The following DCAF10 variants were observed in gnomAD, a reference collection of about 807,000 sequenced individuals.
DCAF10 encodes the protein DDB1 and CUL4 associated factor 10.
Under a neutral mutation model 51.9 loss-of-function variants are expected in DCAF10, and 19 were observed. The ratio of observed to expected loss-of-function variants is 0.37; its 90% CI spans 0.26 to 0.54. The LOEUF is 0.54. Ranked by LOEUF, DCAF10 falls within the 20% of genes least tolerant of loss-of-function variation. The pLI is 0.87. For missense variants in DCAF10, 510 were observed against 730.6 expected (o/e 0.70, Z 3.48); for synonymous variants, 291 against 297.1 (o/e 0.98, Z 0.21).
chr9:37,858,728 A>G (rs1255018151), intron 5 of DCAF10, among the ~76,000 whole-genome samples: 2 of 152,228 alleles, frequency 1.3e-5, no homozygotes, highest in Admixed American at 1.3e-4. Context: ...TGTTAACACT[A>G]TCCTTTGGCA....
chr9:37,855,178 A>G (rs1830811314), intron 4 of DCAF10, among the ~76,000 whole-genome samples, 196 bp downstream of exon 4: 1 of 152,232 alleles, frequency 6.6e-6, no homozygotes, highest in Non-Finnish European at 1.5e-5. Flanking sequence ...TATCATTCAT[A>G]TGTACCTCTG....
intron 3 of DCAF10, among the ~76,000 whole-genome samples, chr9:37,843,742 TA>T (rs1830398849): frequency 6.6e-6 from 1 of 152,148 alleles, no homozygotes; most frequent in South Asian, 2.1e-4. Flanking sequence ...TCAGGAAAAA[TA>T]TTTTTTGTTA....
Position 37,863,853 on chromosome 9 carries a change from G to A in DCAF10, c.*2345G>A, listed in dbSNP as rs564053433. On this transcript the variant is annotated 3_prime_UTR_variant, in exon 7 of 7. Coordinates refer to ENST00000377724, the MANE Select transcript of DCAF10 (RefSeq NM_024345.5). ...ATTTATAGAGGTTATAAGGATCTTG[G>A]CTCTAGAACAAATTTTTGAAATTAG... is the stretch of plus-strand genomic sequence containing the variant. 7 of 152,092 alleles carry A rather than the reference G, an allele frequency of 4.6e-5. No individual in the cohort carries two copies. The highest frequency in any genetic ancestry group is 1.0e-4 in the Non-Finnish European group (7 of 68,020). The allele number at this position is 152,092 out of a possible 1,614,324, so 9.4% of individuals were successfully genotyped here. A position where few individuals can be genotyped will look rare whatever the true frequency, so the allele number is the denominator to read the frequency against.
Position 37,829,256 on chromosome 9 carries a change from A to G in DCAF10, c.653+9855A>G, listed in dbSNP as rs1242071348. Among the ~76,000 whole-genome samples the G allele has an allele frequency of 2.6e-5, 4 of 152,102 alleles. No homozygotes were observed. The highest frequency in any genetic ancestry group is 5.9e-5 in the Non-Finnish European group (4 of 68,020). ...GGAGTTCGAGACCAGCCTGACCAAC[A>G]TGGAGAAACCCCGTCTCTACTAAAA... is the stretch of plus-strand genomic sequence containing the variant. On this transcript the variant is annotated intron_variant, in intron 2 of 6. Coordinates refer to ENST00000377724, the MANE Select transcript of DCAF10 (RefSeq NM_024345.5). The surrounding 1 kb of genome is among the most constrained non-coding windows in gnomAD (Gnocchi z 4.2).
rs1034524191 is a variant in DCAF10, at chr9:37,829,371, C to T, written c.653+9970C>T. 1.3e-5 allele frequency among the ~76,000 whole-genome samples: 2 copies of T among 151,922 alleles called. No homozygotes were observed. Among genetic ancestry groups the T allele is most frequent in the South Asian group, 2.1e-4 (1 of 4,812 alleles). On this transcript the variant is annotated intron_variant, in intron 2 of 6. Transcript: ENST00000377724. This position sits in a 1 kb window ranked among gnomAD's most constrained non-coding sequence, Gnocchi z 4.2. ...AGGAGAATCACTTGAACCCGGGAGG[C>T]GGAGGTTGCGGTGAGCCAAGATTGT...
chr9:37,803,710 A>G (rs760338659), intron 1 of DCAF10, among the ~76,000 whole-genome samples: 3 of 149,396 alleles, frequency 2.0e-5, no homozygotes, highest in South Asian at 2.2e-4. Flanking sequence ...TTTTACAGAT[A>G]GATGACATAT....
intron 2 of DCAF10, among the ~76,000 whole-genome samples, chr9:37,820,925 T>C (rs1464420827): frequency 1.3e-5 from 2 of 152,116 alleles, no homozygotes; most frequent in African/African-American, 4.8e-5. Flanking sequence ...TTTTGACTAG[T>C]AATAGATGCA....
chr9:37,826,868 C>T (rs1310898804), intron 2 of DCAF10, among the ~76,000 whole-genome samples: 2 of 145,802 alleles, frequency 1.4e-5, no homozygotes, highest in East Asian at 3.9e-4. Flanking sequence ...TCTTGTTGCC[C>T]AGGCTGGAGA....
intron 2 of DCAF10, among the ~76,000 whole-genome samples, chr9:37,832,600 ATTTCT>A (rs1277343947): frequency 6.6e-6 from 1 of 152,222 alleles, no homozygotes; most frequent in African/African-American, 2.4e-5. Flanking sequence ...GGAACACGAA[ATTTCT>A]TATCTTACAA....
chr9:37,850,748 T>C (rs1183844114), intron 3 of DCAF10, among the ~76,000 whole-genome samples: 1 of 148,618 alleles, frequency 6.7e-6, no homozygotes, highest in Admixed American at 6.8e-5. Context: ...TTACTGTTGT[T>C]ATTATATATA....
rs1831137521 is a variant in DCAF10 at position 37,866,385 on chromosome 9, G to T, written c.*4877G>T. 6.6e-6 allele frequency: 1 copy of T among 152,494 alleles called. No homozygotes were observed. Among genetic ancestry groups the T allele is most frequent in the Admixed American group, 6.6e-5 (1 of 15,266 alleles). 9.4% of individuals were successfully genotyped at this position (152,494 alleles called of 1,614,324 possible). A position where few individuals can be genotyped will look rare whatever the true frequency, so the allele number is the denominator to read the frequency against. The stretch of plus-strand genomic sequence containing the variant: ...TAAAACACTTCATAAAATGTAAAGG[G>T]CTATAACAAATATGTTATAAAGTGA... On this transcript the variant is annotated 3_prime_UTR_variant, in exon 7 of 7. Coordinates refer to ENST00000377724, the MANE Select transcript of DCAF10 (RefSeq NM_024345.5).
intron 2 of DCAF10, among the ~76,000 whole-genome samples, chr9:37,820,297 GAC>G (rs906487367): frequency 2.0e-5 from 3 of 152,108 alleles, no homozygotes; most frequent in African/African-American, 7.2e-5. Flanking sequence ...ATGAAACATG[GAC>G]ACAAAGTTTT....
chr9:37,802,620 T>G (rs1324295890), intron 1 of DCAF10, among the ~76,000 whole-genome samples: 1 of 152,126 alleles, frequency 6.6e-6, no homozygotes, highest in Non-Finnish European at 1.5e-5. Flanking sequence ...AGCAAAGGAA[T>G]AGAAACAGGA....
chr9:37,852,617 A>AT (rs1830689602), intron 3 of DCAF10, among the ~76,000 whole-genome samples: 1 of 151,894 alleles, frequency 6.6e-6, no homozygotes, highest in African/African-American at 2.4e-5. Context: ...TGAAATAAAG[A>AT]TTTTCAGAAC....
At chr9:37,806,960 G>A (rs1178552037) in intron 1 of DCAF10, among the ~76,000 whole-genome samples, 4 of 152,074 alleles carry the variant, frequency 2.6e-5, no homozygotes, top group Non-Finnish European at 4.4e-5. Flanking sequence ...GCTGTGTTAC[G>A]TTACCTCTCA....
intron 3 of DCAF10, among the ~76,000 whole-genome samples, chr9:37,852,868 T>G (rs916258242): frequency 6.6e-6 from 1 of 150,514 alleles, no homozygotes; most frequent in African/African-American, 2.4e-5. Flanking sequence ...TTATTATATA[T>G]AATTGAAATT....
At chr9:37,856,953 G>A (rs370785421) in intron 4 of DCAF10, among the ~76,000 whole-genome samples, 62 of 152,112 alleles carry the variant, frequency 4.1e-4, no homozygotes, top group Middle Eastern at 3.4e-3. Context: ...TGGAATTTTT[G>A]GGTTCCATTT....
intron 2 of DCAF10, among the ~76,000 whole-genome samples, chr9:37,839,110 A>T (rs924883898): frequency 6.6e-6 from 1 of 151,236 alleles, no homozygotes; most frequent in Non-Finnish European, 1.5e-5. Context: ...GCTGGAGTGC[A>T]GTGGCACGAT....
At chr9:37,800,692 C>T (rs1267500250), upstream of DCAF10, 1 of 1,536,046 alleles carries the variant, frequency 6.5e-7, no homozygotes, top group Non-Finnish European at 8.7e-7. Context: ...TGCGGCGCCC[C>T]AAACCCGGCG....
Sources: gnomAD v4.1 joint callset for allele counts (sites outside exome capture counted in the v4.1 genomes callset) on GRCh38, gnomAD v4.1.1 for gene constraint, Gnocchi (gnomAD v3.1) non-coding constraint, MANE v1.5 for transcripts, NCBI Gene and HGNC (gene_info 2026-07-23, HGNC 2026-07-21) for gene names.